AGBL1: variants seen among roughly 807,000 people sequenced by gnomAD.
AGBL1 encodes the protein AGBL carboxypeptidase 1.
A neutral mutation model predicts 118.9 loss-of-function variants in AGBL1; 130 were observed. That is an observed-to-expected ratio of 1.09 (90% CI 0.95 to 1.26). AGBL1 has a LOEUF of 1.26. Ranked by LOEUF, AGBL1 falls within the 50% of genes most tolerant of loss-of-function variation. AGBL1 has a pLI of 0.00. For synonymous variants in AGBL1, 555 were observed against 478.9 expected (o/e 1.16, Z -2.08); for missense variants, 1,584 against 1,298.1 (o/e 1.22, Z -3.38).
rs148049740 is a variant in AGBL1 at position 86,601,525 on chromosome 15, A to T, written c.2994+46988A>T. On this transcript the variant is annotated intron_variant, in intron 21 of 22. Coordinates refer to ENST00000614907, the MANE Select transcript of AGBL1 (RefSeq NM_001386094.1). Reference sequence around the variant, plus strand: ...TGCAAGTGGGTTAATTAATTCAATGAATTAATAAATGAATAAACAGATAAA... The same window carrying T: ...TGCAAGTGGGTTAATTAATTCAATGTATTAATAAATGAATAAACAGATAAA... Among the ~76,000 whole-genome samples, 249 of 152,282 alleles carry T rather than the reference A, an allele frequency of 1.6e-3. 1 individual carries two copies. Among genetic ancestry groups the T allele is most frequent in the African/African-American group, 5.8e-3 (241 of 41,570 alleles).
At chr15:86,307,961 A>T (rs2079865717) in intron 17 of AGBL1, among the ~76,000 whole-genome samples, 1 of 152,108 alleles carries the variant, frequency 6.6e-6, no homozygotes, top group African/African-American at 2.4e-5. Context: ...TACCATCCTG[A>T]ATTCTGTGCT....
intron 18 of AGBL1, among the ~76,000 whole-genome samples, chr15:86,516,592 G>A (rs2083123886): frequency 6.6e-6 from 1 of 152,158 alleles, no homozygotes. Flanking sequence ...CTGAGGTCAG[G>A]AGTTTGAGAC....
intron 21 of AGBL1, among the ~76,000 whole-genome samples, chr15:86,564,571 CT>C: frequency 6.6e-6 from 1 of 152,248 alleles, no homozygotes; most frequent in South Asian, 2.1e-4. Context: ...ACATTTTTTC[CT>C]TCATTTCAAC....
intron 18 of AGBL1, among the ~76,000 whole-genome samples, chr15:86,507,286 T>C (rs2082989332): frequency 6.6e-6 from 1 of 152,142 alleles, no homozygotes. Flanking sequence ...GGAAGATCCA[T>C]TAATACCATA....
chr15:86,280,768 C>T (rs1024980686), intron 16 of AGBL1, among the ~76,000 whole-genome samples: 5 of 152,122 alleles, frequency 3.3e-5, no homozygotes, highest in Non-Finnish European at 7.4e-5. Context: ...GTGAATTTTT[C>T]GCATAGAGAA....
intron 23 of AGBL1, among the ~76,000 whole-genome samples, chr15:86,977,705 T>G (rs72757475): frequency 0.04 from 6,090 of 152,106 alleles, 152 homozygotes; most frequent in Middle Eastern, 0.069. Flanking sequence ...ATTAATTACT[T>G]AAGTCTACTA....
chr15:86,624,546 G>C (rs1247268509), intron 21 of AGBL1, among the ~76,000 whole-genome samples: 3 of 152,144 alleles, frequency 2.0e-5, no homozygotes, highest in Non-Finnish European at 4.4e-5. Context: ...TTCTTGGAAG[G>C]TATTCTCAAT....
intron 22 of AGBL1, among the ~76,000 whole-genome samples, chr15:86,677,794 A>G (rs1028351595): frequency 1.3e-5 from 2 of 152,284 alleles, no homozygotes; most frequent in Admixed American, 1.3e-4. Flanking sequence ...AAAATTCTAC[A>G]TAGATATTAG....
At chr15:86,817,797 G>T (rs758177048) in intron 22 of AGBL1, among the ~76,000 whole-genome samples, 4 of 152,070 alleles carry the variant, frequency 2.6e-5, no homozygotes, top group African/African-American at 9.7e-5. Flanking sequence ...CTTTGCAGAC[G>T]TAATTAAGAT....
At chr15:86,667,121 T>A (rs2085657754) in intron 21 of AGBL1, among the ~76,000 whole-genome samples, 1 of 152,112 alleles carries the variant, frequency 6.6e-6, no homozygotes, top group Non-Finnish European at 1.5e-5. Flanking sequence ...ATCATGCCAT[T>A]CTTAGAAAAA....
chr15:87,011,259 A>G (rs914432742), intron 24 of AGBL1, among the ~76,000 whole-genome samples: 1 of 152,182 alleles, frequency 6.6e-6, no homozygotes, highest in Admixed American at 6.5e-5. Context: ...GAGCCTGAGT[A>G]CCTGAATGGT....
At chr15:86,457,297 C>T (rs530918648) in intron 18 of AGBL1, among the ~76,000 whole-genome samples, 9 of 152,240 alleles carry the variant, frequency 5.9e-5, no homozygotes, top group African/African-American at 1.9e-4. Flanking sequence ...GTGGCATGAA[C>T]AAAAGGCTTT....
chr15:86,312,394 A>G (rs2079934622), intron 17 of AGBL1: 1 of 152,182 alleles, frequency 6.6e-6, no homozygotes, highest in African/African-American at 2.4e-5. Context: ...TTCACAAGAG[A>G]GATTTGGAAA....
At chr15:86,304,756 C>A (rs956071842) in intron 17 of AGBL1, among the ~76,000 whole-genome samples, 1 of 152,202 alleles carries the variant, frequency 6.6e-6, no homozygotes, top group Non-Finnish European at 1.5e-5. Flanking sequence ...CCACTTCATT[C>A]TTTCCCTGAT....
chr15:86,473,381 T>C (rs1046513895), intron 18 of AGBL1, among the ~76,000 whole-genome samples: 35 of 152,202 alleles, frequency 2.3e-4, no homozygotes, highest in African/African-American at 8.4e-4. Context: ...GATCTTTTTT[T>C]ATCTATTAGC....
chr15:86,798,911 A>C (rs1471991746), intron 22 of AGBL1, among the ~76,000 whole-genome samples: 1 of 151,948 alleles, frequency 6.6e-6, no homozygotes, highest in Non-Finnish European at 1.5e-5. Flanking sequence ...ACTTTGACTT[A>C]AAGATTTGGG....
chr15:86,598,427 A>G (rs929274541), intron 21 of AGBL1, among the ~76,000 whole-genome samples: 1 of 152,150 alleles, frequency 6.6e-6, no homozygotes, highest in African/African-American at 2.4e-5. Flanking sequence ...TCCTTAATGC[A>G]AAATATAGCC....
chr15:86,082,342 C>G (rs1005309474), intron 1 of AGBL1, among the ~76,000 whole-genome samples: 1 of 152,204 alleles, frequency 6.6e-6, no homozygotes, highest in Non-Finnish European at 1.5e-5. Flanking sequence ...CAATTCAAAC[C>G]AGTCTGTCTC....
In AGBL1 at chr15:86,510,838, G is replaced by A. The variant is rs371838553; in HGVS notation, c.2556-11972G>A. 1.1e-4 allele frequency among the ~76,000 whole-genome samples: 17 copies of A among 152,210 alleles called. No individual in the cohort carries two copies. The South Asian group carries it at 3.3e-3, about 30-fold the overall frequency. On this transcript the variant is annotated intron_variant, in intron 18 of 22. Coordinates refer to ENST00000614907, the MANE Select transcript of AGBL1 (RefSeq NM_001386094.1). ...CCAGAGAAAAAATATTCTGACAGCA[G>A]TAGAATGGGGAGTTGACTTTCATTT...
Sources: gnomAD v4.1 joint callset for allele counts (sites outside exome capture counted in the v4.1 genomes callset) on GRCh38, gnomAD v4.1.1 for gene constraint, MANE v1.5 for transcripts, NCBI Gene and HGNC (gene_info 2026-07-23, HGNC 2026-07-21) for gene names.